The following PRKCA variants were observed in gnomAD, a reference collection of about 807,000 sequenced individuals.
PRKCA encodes the protein protein kinase C alpha type.
In PRKCA, 27 loss-of-function variants were observed where a neutral mutation model predicts 87.0. The observed-to-expected ratio is 0.31, with a 90% CI of 0.23 to 0.43. The LOEUF (loss-of-function observed/expected upper bound fraction) is 0.43. Ranked by LOEUF, PRKCA falls within the 20% of genes least tolerant of loss-of-function variation. The pLI is 1.00. For synonymous variants in PRKCA, 329 were observed against 311.1 expected, an observed-to-expected ratio of 1.06 and a Z score of -0.61; for missense variants, 518 against 852.3, an observed-to-expected ratio of 0.61 and a Z score of 4.88.
At chr17:66,643,886 T>A (rs1179961865) in intron 4 of PRKCA, among the ~76,000 whole-genome samples, 1 of 152,176 alleles carries the variant, frequency 6.6e-6, no homozygotes, top group Non-Finnish European at 1.5e-5. Context: ...GGCCAACCTC[T>A]CACTTTGTAG....
intron 3 of PRKCA, among the ~76,000 whole-genome samples, chr17:66,549,061 C>T (rs1014564639): frequency 6.6e-6 from 1 of 152,038 alleles, no homozygotes; most frequent in African/African-American, 2.4e-5. Flanking sequence ...CTGTCTTGAC[C>T]TCCCAGAGTG....
At chr17:66,728,668 AG>A (rs1973813292) in intron 8 of PRKCA, among the ~76,000 whole-genome samples, 1 of 152,242 alleles carries the variant, frequency 6.6e-6, no homozygotes, top group South Asian at 2.1e-4. Context: ...GGCCGTCGTT[AG>A]GTTATGTCTG....
At chr17:66,777,610 G>A in intron 14 of PRKCA, 1 of 985,146 alleles carries the variant, frequency 1.0e-6, no homozygotes, top group Non-Finnish European at 1.2e-6. Flanking sequence ...TGAATTACAG[G>A]CCCCCTAAGA....
At chr17:66,317,723 A>T (rs1905397490) in intron 2 of PRKCA, among the ~76,000 whole-genome samples, 3 of 152,214 alleles carry the variant, frequency 2.0e-5, no homozygotes, top group African/African-American at 7.2e-5. Flanking sequence ...AGCTTGGCTC[A>T]CAGTTGTAAA....
intron 13 of PRKCA, among the ~76,000 whole-genome samples, chr17:66,770,653 C>T (rs980479679): frequency 2.6e-5 from 4 of 152,198 alleles, no homozygotes; most frequent in Non-Finnish European, 5.9e-5. Flanking sequence ...GGTAGAAGTA[C>T]GTGTCTAAAT....
intron 13 of PRKCA, 56 bp from the exon 14 acceptor site, chr17:66,773,931 T>TGACAGGGGCTA: frequency 6.2e-7 from 1 of 1,609,194 alleles, no homozygotes; most frequent in Non-Finnish European, 8.5e-7. Flanking sequence ...TTACCTGTTC[T>TGACAGGGGCTA]GACAGGGGCT....
chr17:66,769,965 A>C (rs1974895440), intron 13 of PRKCA, among the ~76,000 whole-genome samples: 4 of 152,264 alleles, frequency 2.6e-5, no homozygotes, highest in Admixed American at 2.6e-4. Flanking sequence ...TTTCAAACAA[A>C]ATCCATTTAC....
intron 2 of PRKCA, among the ~76,000 whole-genome samples, chr17:66,392,938 A>C (rs1176936227): frequency 9.2e-5 from 14 of 152,136 alleles, no homozygotes; most frequent in Non-Finnish European, 4.4e-5. Flanking sequence ...ACAGTCGGGA[A>C]GCAAGCAAAT....
rs375669296 is a variant in PRKCA, at chr17:66,302,840, T to C, written c.-12T>C. 6 of 1,374,490 alleles carry C rather than the reference T, an allele frequency of 4.4e-6. No homozygotes were observed. In the Admixed American group the frequency reaches 6.1e-5, roughly 14 times the overall value. 85.1% of individuals were successfully genotyped at this position (1,374,490 alleles called of 1,614,324 possible). A position where few individuals can be genotyped will look rare whatever the true frequency, so the allele number is the denominator to read the frequency against. ...GCTCCCCGGCGGAGGCAAGAGGTGG[T>C]TGGGGGGGACCATGGCTGACGTTTT... On this transcript the variant is annotated 5_prime_UTR_variant, in exon 1 of 17. Coordinates refer to ENST00000413366, the MANE Select transcript of PRKCA (RefSeq NM_002737.3).
intron 3 of PRKCA, 144 bp from the exon 4 acceptor site, chr17:66,641,211 T>A (rs950486348): frequency 1.9e-6 from 1 of 538,996 alleles, no homozygotes; most frequent in Non-Finnish European, 3.4e-6. Context: ...CACCACCCAT[T>A]GTGTGACTCC....
chr17:66,428,870 A>G (rs1912955277), intron 2 of PRKCA, among the ~76,000 whole-genome samples: 1 of 152,150 alleles, frequency 6.6e-6, no homozygotes, highest in Non-Finnish European at 1.5e-5. Flanking sequence ...GATGAAATAG[A>G]GAGTAAAGGA....
chr17:66,366,659 C>G (rs554515709), intron 2 of PRKCA, among the ~76,000 whole-genome samples: 98 of 152,270 alleles, frequency 6.4e-4, no homozygotes, highest in Middle Eastern at 3.4e-3. Flanking sequence ...AACTCACAGG[C>G]CAGCTGCATA....
At chr17:66,749,363 C>T (rs1311654601) in intron 13 of PRKCA, among the ~76,000 whole-genome samples, 1 of 151,968 alleles carries the variant, frequency 6.6e-6, no homozygotes, top group African/African-American at 2.4e-5. Flanking sequence ...CAGACCTCTC[C>T]ATCCTCAGGC....
intron 2 of PRKCA, among the ~76,000 whole-genome samples, chr17:66,453,012 G>A (rs537976592): frequency 2.2e-4 from 34 of 152,252 alleles, no homozygotes; most frequent in African/African-American, 8.0e-4. Context: ...AGCCACATTT[G>A]TACAGTTGGT....
chr17:66,528,067 G>C (rs138555470), intron 3 of PRKCA, among the ~76,000 whole-genome samples: 73 of 152,012 alleles, frequency 4.8e-4, no homozygotes, highest in African/African-American at 1.7e-3. Flanking sequence ...TTAGCCAGGC[G>C]TGGTGGCTAC....
chr17:66,422,078 G>A (rs1331542159), intron 2 of PRKCA, among the ~76,000 whole-genome samples: 2 of 151,988 alleles, frequency 1.3e-5, no homozygotes, highest in Non-Finnish European at 2.9e-5. Context: ...TTTTCTCTCT[G>A]TCCTTGTTTG....
chr17:66,364,391 A>G (rs1000210107), intron 2 of PRKCA: 2 of 152,232 alleles, frequency 1.3e-5, no homozygotes, highest in Admixed American at 6.5e-5. Flanking sequence ...TAAAAAATAT[A>G]CAAAATAAAT....
intron 8 of PRKCA, among the ~76,000 whole-genome samples, chr17:66,716,820 C>G (rs959298134): frequency 1.3e-5 from 2 of 152,236 alleles, no homozygotes; most frequent in Non-Finnish European, 2.9e-5. Flanking sequence ...GAGAATGGCT[C>G]AGTTGCCATG....
At chr17:66,336,125 A>G (rs1906648550) in intron 2 of PRKCA, among the ~76,000 whole-genome samples, 1 of 152,152 alleles carries the variant, frequency 6.6e-6, no homozygotes, top group Admixed American at 6.5e-5. Flanking sequence ...ACTTTCATTA[A>G]TAGTACCTGA....
Sources: allele counts gnomAD v4.1 joint callset (sites outside exome capture counted in the v4.1 genomes callset), GRCh38; gene constraint gnomAD v4.1.1; transcripts MANE v1.5; gene names NCBI Gene and HGNC (gene_info 2026-07-23, HGNC 2026-07-21).